Variants in RGMB observed in about 807,000 individuals in gnomAD.
The protein encoded by RGMB is repulsive guidance molecule BMP co-receptor b.
RGMB carries 16 observed loss-of-function variants against 26.9 expected under a neutral mutation model. The ratio of observed to expected loss-of-function variants is 0.60; its 90% CI spans 0.40 to 0.90. The LOEUF (loss-of-function observed/expected upper bound fraction) is 0.90, where lower values mean the gene tolerates loss of function less well. Ranked by LOEUF, RGMB falls within the 40% of genes least tolerant of loss-of-function variation. The pLI is 0.00. For missense variants in RGMB, 512 were observed against 573.3 expected, an observed-to-expected ratio of 0.89 and a Z score of 1.09; for synonymous variants, 225 against 229.3, an observed-to-expected ratio of 0.98 and a Z score of 0.17.
Position 98,774,216 on chromosome 5 carries a change from G to A in RGMB, c.136+10G>A. The A allele has an allele frequency of 2.1e-6, 3 of 1,424,632 alleles. No homozygotes were observed. Among genetic ancestry groups the A allele is most frequent in the Non-Finnish European group, 2.7e-6 (3 of 1,096,718 alleles). The allele number at this position is 1,424,632 out of a possible 1,614,324, so 88.2% of individuals were successfully genotyped here. A position where few individuals can be genotyped will look rare whatever the true frequency, so the allele number is the denominator to read the frequency against. ...GGGCTGCTCCACGCAGGTAGGACGGGAGCGCGCGAGGGGAGCCAGCCCCGG... is the reference window on the plus strand; with the variant it reads ...GGGCTGCTCCACGCAGGTAGGACGGAAGCGCGCGAGGGGAGCCAGCCCCGG... On this transcript the variant is annotated intron_variant, in intron 1 of 2. Transcript: ENST00000513185.
chr5:98,774,550 G>A (rs1403323890), intron 1 of RGMB, among the ~76,000 whole-genome samples: 1 of 152,188 alleles, frequency 6.6e-6, no homozygotes, highest in African/African-American at 2.4e-5. Context: ...TCTCTGCGCT[G>A]GTGTTTACTG....
At chr5:98,792,103 C>T (rs545724714) in intron 2 of RGMB, among the ~76,000 whole-genome samples, 4 of 152,206 alleles carry the variant, frequency 2.6e-5, no homozygotes, top group African/African-American at 9.6e-5. Context: ...AGGTGATTTC[C>T]CTGTCGCAGG....
At chr5:98,779,135 G>A (rs1008905138) in intron 1 of RGMB, among the ~76,000 whole-genome samples, 7 of 152,114 alleles carry the variant, frequency 4.6e-5, no homozygotes, top group Admixed American at 3.3e-4. Flanking sequence ...TTTTAACCAT[G>A]GTTTTGTGCC....
At chr5:98,792,771 T>TAAAAAAAAAAAAAAAA (rs5869833) in intron 2 of RGMB, 1 of 121,586 alleles carries the variant, frequency 8.2e-6, no homozygotes. Context: ...CCCTGTCACT[T>TAAAAAAAAAAAAAAAA]AAAAAAAAAA....
upstream of RGMB, chr5:98,770,508 C>A (rs1295454138): frequency 1.9e-6 from 1 of 525,786 alleles, no homozygotes; most frequent in Non-Finnish European, 3.1e-6. Context: ...TGTCTACGAG[C>A]GGGTGATGAG....
rs2302983 is a variant in RGMB at position 98,780,124 on chromosome 5, A to C, written c.645+36A>C. On this transcript the variant is annotated intron_variant, in intron 2 of 2. Transcript: ENST00000513185. ...CTTCTTTTTTCCCTCTCCCTACTCA[A>C]CTTTCAAAAGATGTTTGATTCTTCA... 6 of 1,561,672 alleles carry C rather than the reference A, an allele frequency of 3.8e-6. 1 individual carries two copies. The South Asian group carries it at 5.8e-5, about 15-fold the overall frequency.
In RGMB at chr5:98,793,597, C is replaced by T. The variant is rs752819136; in HGVS notation, c.1158C>T (p.Ala386=). The T allele has an allele frequency of 2.2e-5, 36 of 1,613,852 alleles. No individual in the cohort carries two copies. Among genetic ancestry groups the T allele is most frequent in the Non-Finnish European group, 2.6e-5 (31 of 1,179,906 alleles). The change falls in exon 3 of 3, where the codon GCC becomes GCT. Residue 386 remains alanine (A), a synonymous_variant. Transcript: ENST00000513185. ...LLTTGDANFT[A]AAHSALEDVE... ...CCACTGGTGATGCCAACTTTACTGC[C>T]GCAGCCCACAGTGCCTTGGAGGATG...
intron 2 of RGMB, among the ~76,000 whole-genome samples, chr5:98,786,083 ATTC>A (rs2112364189): frequency 6.6e-6 from 1 of 152,326 alleles, no homozygotes; most frequent in South Asian, 2.1e-4. Context: ...CTACCTGTTT[ATTC>A]TTTATGCTAT....
chr5:98,776,260 T>A (rs1053952774), intron 1 of RGMB, among the ~76,000 whole-genome samples: 2 of 152,250 alleles, frequency 1.3e-5, no homozygotes, highest in Admixed American at 6.5e-5. Context: ...GTCACACTGA[T>A]CACAGATAAT....
intron 2 of RGMB, chr5:98,780,892 G>T (rs1210619327): frequency 1.3e-5 from 2 of 152,212 alleles, no homozygotes; most frequent in African/African-American, 2.4e-5. Context: ...TTGGCAGTCA[G>T]TGCTAATTCA....
intron 2 of RGMB, among the ~76,000 whole-genome samples, chr5:98,786,065 T>G (rs1170978229): frequency 6.6e-6 from 1 of 152,246 alleles, no homozygotes; most frequent in Admixed American, 6.5e-5. Flanking sequence ...TTTTGTAAGA[T>G]AAATGAGCTA....
intron 2 of RGMB, among the ~76,000 whole-genome samples, chr5:98,787,727 C>T (rs1344774411): frequency 6.6e-6 from 1 of 152,194 alleles, no homozygotes; most frequent in Non-Finnish European, 1.5e-5. Context: ...CACCCTAATA[C>T]AAGGAAGTTG....
intron 1 of RGMB, among the ~76,000 whole-genome samples, chr5:98,778,385 T>A (rs1018644776): frequency 6.6e-6 from 1 of 152,166 alleles, no homozygotes; most frequent in Non-Finnish European, 1.5e-5. Flanking sequence ...ATACAAATCA[T>A]AAGATATTTA....
intron 2 of RGMB, among the ~76,000 whole-genome samples, chr5:98,791,299 T>C (rs1012429777): frequency 2.0e-5 from 3 of 152,206 alleles, no homozygotes; most frequent in African/African-American, 7.2e-5. Context: ...ATTTAACCGG[T>C]TGCTACAGTG....
At chr5:98,789,476 A>G (rs1346733467) in intron 2 of RGMB, among the ~76,000 whole-genome samples, 2 of 143,540 alleles carry the variant, frequency 1.4e-5, no homozygotes, top group East Asian at 3.9e-4. Context: ...TTCATTTAAT[A>G]TGTTTTTTTT....
At chr5:98,770,613 A>C (rs1213033235), upstream of RGMB, 2 of 1,351,968 alleles carry the variant, frequency 1.5e-6, no homozygotes, top group Admixed American at 6.6e-5. Flanking sequence ...GCGTGTTCCG[A>C]AGTTCAGGGG....
intron 2 of RGMB, among the ~76,000 whole-genome samples, chr5:98,788,116 T>G (rs1424318116): frequency 2.0e-5 from 3 of 152,198 alleles, no homozygotes; most frequent in Non-Finnish European, 4.4e-5. Context: ...GAAAAAGACA[T>G]GAGGATAGAG....
upstream of RGMB, among the ~76,000 whole-genome samples, chr5:98,771,428 C>A (rs1474277890): frequency 3.9e-5 from 6 of 152,194 alleles, no homozygotes; most frequent in African/African-American, 1.4e-4. Context: ...CGACTATTCA[C>A]TACGCTCTTG....
rs1467817359 is a variant in RGMB, at chr5:98,780,053, G to T, written c.610G>T (p.Val204Leu). Residue 204 changes from valine to leucine, a missense_variant, in exon 2 of 3, where the codon GTG (valine) becomes TTG (leucine). Physicochemically the swap from Val to Leu is conservative, Grantham distance 32. Coordinates refer to ENST00000513185, the MANE Select transcript of RGMB (RefSeq NM_001366508.1). Reference protein sequence around the residue: ...YLSVQVTNVPVVPGSSATATN... With the variant: ...YLSVQVTNVPLVPGSSATATN... ...TTCAGTTCAAGTGACAAACGTACCT[G>T]TGGTCCCTGGATCCAGTGCTACTGC... The T allele has an allele frequency of 6.2e-7, 1 of 1,612,894 alleles. No individual in the cohort carries two copies. Among genetic ancestry groups the T allele is most frequent in the Admixed American group, 1.7e-5 (1 of 60,024 alleles).
Sources: allele counts gnomAD v4.1 joint callset (sites outside exome capture counted in the v4.1 genomes callset), GRCh38; gene constraint gnomAD v4.1.1; transcripts MANE v1.5; gene names NCBI Gene and HGNC (gene_info 2026-07-23, HGNC 2026-07-21).